LRCH3: variants seen among roughly 807,000 people sequenced by gnomAD.
The protein encoded by LRCH3 is leucine rich repeats and calponin homology domain containing 3, also known as DISP complex protein LRCH3.
LRCH3 carries 68 observed loss-of-function variants against 104.5 expected under a neutral mutation model. That is an observed-to-expected ratio of 0.65 (90% CI 0.54 to 0.80). The LOEUF (loss-of-function observed/expected upper bound fraction) is 0.80. Ranked by LOEUF, LRCH3 falls within the 30% of genes least tolerant of loss-of-function variation. The pLI, the probability that LRCH3 is intolerant of heterozygous loss-of-function variation, is 0.00. For synonymous variants in LRCH3, 344 were observed against 361.3 expected, an observed-to-expected ratio of 0.95 and a Z score of 0.54; for missense variants, 951 against 953.9, an observed-to-expected ratio of 1.00 and a Z score of 0.04.
intron 15 of LRCH3, among the ~76,000 whole-genome samples, chr3:197,861,045 C>T (rs1387796653): frequency 1.3e-5 from 2 of 150,770 alleles, no homozygotes; most frequent in Non-Finnish European, 2.9e-5. Flanking sequence ...AATCTCGGCT[C>T]ACTGCAACCT....
chr3:197,838,597 T>C (rs906047235), intron 9 of LRCH3, among the ~76,000 whole-genome samples: 1 of 151,978 alleles, frequency 6.6e-6, no homozygotes, highest in African/African-American at 2.4e-5. Context: ...TTCTATAGGT[T>C]TTCCTTTGAT....
intron 9 of LRCH3, among the ~76,000 whole-genome samples, chr3:197,837,089 A>G (rs1736921149): frequency 6.6e-6 from 1 of 152,180 alleles, no homozygotes; most frequent in South Asian, 2.1e-4. Context: ...AAAGTTGGAT[A>G]AAATTAGATA....
chr3:197,870,443 G>A (rs1712025114), intron 18 of LRCH3, among the ~76,000 whole-genome samples, 165 bp downstream of exon 18: 1 of 152,074 alleles, frequency 6.6e-6, no homozygotes, highest in Non-Finnish European at 1.5e-5. Flanking sequence ...CTGGCTCACT[G>A]CAGCCTATGC....
intron 3 of LRCH3, among the ~76,000 whole-genome samples, chr3:197,818,725 C>G (rs1734135122): frequency 6.6e-6 from 1 of 152,150 alleles, no homozygotes; most frequent in Admixed American, 6.6e-5. Context: ...CTTATTCAAT[C>G]CTAAATACTT....
chr3:197,831,455 T>A (rs997825135), intron 7 of LRCH3, among the ~76,000 whole-genome samples: 1 of 152,200 alleles, frequency 6.6e-6, no homozygotes, highest in Non-Finnish European at 1.5e-5. Flanking sequence ...GCAAGACTGA[T>A]AACCTACTAT....
rs1472909214 is a variant in LRCH3 at position 197,881,806 on chromosome 3, C to T, written c.2209-1735C>T. ...GAGAGATTGTGAGGAGCATAATATC[C>T]GGTTTAGAATTCAGCCTGAGGGAGG... is the stretch of plus-strand genomic sequence containing the variant. On this transcript the variant is annotated intron_variant, in intron 20 of 20. Coordinates refer to ENST00000425562, the MANE Select transcript of LRCH3 (RefSeq NM_001365715.1). 6.1e-6 allele frequency: 6 copies of T among 985,144 alleles called. No individual in the cohort carries two copies. In the South Asian group the frequency reaches 1.4e-4, roughly 23 times the overall value. 61.0% of individuals were successfully genotyped at this position (985,144 alleles called of 1,614,324 possible).
chr3:197,819,368 T>C (rs116425443), intron 3 of LRCH3, among the ~76,000 whole-genome samples: 3,191 of 152,092 alleles, frequency 0.021, 75 homozygotes, highest in Middle Eastern at 0.061. Context: ...TTTGAACCTA[T>C]ATCCTTTCAA....
At chr3:197,809,667 T>C (rs1488380916) in intron 1 of LRCH3, among the ~76,000 whole-genome samples, 2 of 152,084 alleles carry the variant, frequency 1.3e-5, no homozygotes, top group Non-Finnish European at 2.9e-5. Flanking sequence ...ACTGATTCTT[T>C]CCTCTCTGCC....
At chr3:197,853,379 G>C (rs538469263) in intron 13 of LRCH3, among the ~76,000 whole-genome samples, 9 of 151,964 alleles carry the variant, frequency 5.9e-5, no homozygotes, top group African/African-American at 1.9e-4. Flanking sequence ...CAGTAGAGAC[G>C]GGGTTTCACT....
At chr3:197,800,569 G>A (rs945620124) in intron 1 of LRCH3, among the ~76,000 whole-genome samples, 2 of 152,214 alleles carry the variant, frequency 1.3e-5, no homozygotes, top group African/African-American at 4.8e-5. Flanking sequence ...GCTTGTGGGA[G>A]TGTGAATTGG....
intron 1 of LRCH3, among the ~76,000 whole-genome samples, chr3:197,802,530 G>A (rs1462570423): frequency 6.6e-6 from 1 of 152,132 alleles, no homozygotes; most frequent in East Asian, 1.9e-4. Context: ...CTCGTAAAAT[G>A]CGTTTGGAAG....
intron 1 of LRCH3, among the ~76,000 whole-genome samples, chr3:197,802,167 A>G (rs1731971599): frequency 6.6e-6 from 1 of 152,178 alleles, no homozygotes; most frequent in African/African-American, 2.4e-5. Context: ...GATTAATTCT[A>G]AAGTCAACTG....
rs1249269111 is a variant in LRCH3, at chr3:197,813,513, T to TC, written c.263-1395_263-1394insC. ...TTCTTCTAATGGGAGGCATATAATT[T>TC]TTTTTTTTTTTTTTTTTTTTTTTTT... On this transcript the variant is annotated intron_variant, in intron 1 of 20. Coordinates refer to ENST00000425562, the MANE Select transcript of LRCH3 (RefSeq NM_001365715.1). Among the ~76,000 whole-genome samples, 55 of 5,560 alleles carry TC rather than the reference T, an allele frequency of 9.9e-3. 20 individuals carry two copies. Among genetic ancestry groups the TC allele is most frequent in the Admixed American group, 0.011 (4 of 380 alleles). 3.6% of individuals were successfully genotyped at this position (5,560 alleles called of 152,430 possible).
At chr3:197,877,680 G>T (rs937895004) in intron 20 of LRCH3, among the ~76,000 whole-genome samples, 8 of 152,218 alleles carry the variant, frequency 5.3e-5, no homozygotes, top group African/African-American at 1.9e-4. Flanking sequence ...CAGATCATCT[G>T]TGTCAGCCAG....
intron 1 of LRCH3, among the ~76,000 whole-genome samples, chr3:197,801,540 A>G (rs1386008831): frequency 6.6e-6 from 1 of 151,104 alleles, no homozygotes; most frequent in Non-Finnish European, 1.5e-5. Context: ...TTCTCATGGC[A>G]CCTCTTCTTT....
At chr3:197,858,558 T>C (rs9817698) in intron 14 of LRCH3, among the ~76,000 whole-genome samples, 4,725 of 152,174 alleles carry the variant, frequency 0.031, 259 homozygotes, top group African/African-American at 0.11. Context: ...GTTTTATTTC[T>C]GCATAAAATC....
At chr3:197,853,231 C>T (rs9817925) in intron 13 of LRCH3, among the ~76,000 whole-genome samples, 6,637 of 151,824 alleles carry the variant, frequency 0.044, 519 homozygotes, top group African/African-American at 0.15. Flanking sequence ...ACTTTGTCAC[C>T]CAGGCTGGAG....
chr3:197,876,560 G>C (rs1237179348), intron 20 of LRCH3, among the ~76,000 whole-genome samples: 2 of 152,130 alleles, frequency 1.3e-5, no homozygotes, highest in Non-Finnish European at 2.9e-5. Context: ...TACTATTAAG[G>C]AATATTATGT....
chr3:197,834,949 G>T lies in LRCH3; in HGVS notation c.1103-725G>T, dbSNP rs542429675. 7.5e-4 allele frequency among the ~76,000 whole-genome samples: 114 copies of T among 152,174 alleles called. 1 individual carries two copies. Among genetic ancestry groups the T allele is most frequent in the East Asian group, 2.7e-3 (14 of 5,132 alleles). On this transcript the variant is annotated intron_variant, in intron 8 of 20. Transcript: ENST00000425562. ...GCTTGAGCCCAGGAGTTGGAGACCA[G>T]CCTGGCCAACATGGTGAAACCCCGT...
Sources: allele counts gnomAD v4.1 joint callset (sites outside exome capture counted in the v4.1 genomes callset), GRCh38; gene constraint gnomAD v4.1.1; transcripts MANE v1.5; gene names NCBI Gene and HGNC (gene_info 2026-07-23, HGNC 2026-07-21).